Variants in STPG2 observed in about 807,000 individuals in gnomAD.
The protein encoded by STPG2 is sperm-tail PG-rich repeat-containing protein 2.
Under a neutral mutation model 54.2 loss-of-function variants are expected in STPG2, and 56 were observed. The observed-to-expected ratio is 1.03, with a 90% confidence interval of 0.83 to 1.29. STPG2 has a LOEUF of 1.29. Among genes scored for constraint, STPG2 ranks in the 50% most tolerant of loss-of-function variants. STPG2 has a pLI of 0.00. For missense variants in STPG2, 596 were observed against 544.9 expected, an observed-to-expected ratio of 1.09 and a Z score of -0.93; for synonymous variants, 200 against 181.8, an observed-to-expected ratio of 1.10 and a Z score of -0.81.
chr4:97,826,862 C>T (rs1301490888), intron 9 of STPG2, among the ~76,000 whole-genome samples: 1 of 152,210 alleles, frequency 6.6e-6, no homozygotes, highest in East Asian at 1.9e-4. Flanking sequence ...TTGTATGCCA[C>T]AGATGTAACC....
At chr4:97,528,921 T>C (rs1731349852) in intron 4 of STPG2, among the ~76,000 whole-genome samples, 1 of 152,200 alleles carries the variant, frequency 6.6e-6, no homozygotes, top group African/African-American at 2.4e-5. Context: ...AATCATGTCA[T>C]CTGCAAAGAG....
chr4:97,768,040 G>A (rs574259927), intron 9 of STPG2, among the ~76,000 whole-genome samples: 13 of 152,046 alleles, frequency 8.6e-5, no homozygotes, highest in Admixed American at 5.2e-4. Flanking sequence ...GGTGGCGGGC[G>A]TCTGTAGTCC....
At chr4:97,831,140 A>G (rs912430018) in intron 9 of STPG2, among the ~76,000 whole-genome samples, 2 of 152,202 alleles carry the variant, frequency 1.3e-5, no homozygotes, top group African/African-American at 4.8e-5. Context: ...ACTCTTCAGC[A>G]AATGCAAAAC....
intron 4 of STPG2, among the ~76,000 whole-genome samples, chr4:97,504,144 T>G (rs192411698): frequency 0.051 from 7,359 of 145,692 alleles, 213 homozygotes; most frequent in Middle Eastern, 0.062. Context: ...TTATTTAATA[T>G]TTAATAAATA....
chr4:97,462,541 A>G (rs893070352), intron 4 of STPG2, among the ~76,000 whole-genome samples: 17 of 152,058 alleles, frequency 1.1e-4, no homozygotes, highest in African/African-American at 3.9e-4. Context: ...TAATCATAAT[A>G]CCTTCTTCTA....
intron 9 of STPG2, among the ~76,000 whole-genome samples, chr4:97,794,088 A>G (rs1727092936): frequency 6.6e-6 from 1 of 152,126 alleles, no homozygotes; most frequent in Non-Finnish European, 1.5e-5. Flanking sequence ...GCTTTGTAAT[A>G]TATTTATCAT....
At chr4:97,762,297 G>A (rs1347189335) in intron 9 of STPG2, among the ~76,000 whole-genome samples, 1 of 152,066 alleles carries the variant, frequency 6.6e-6, no homozygotes, top group African/African-American at 2.4e-5. Flanking sequence ...AATAGAGCAG[G>A]ATTAACACAT....
At chr4:97,526,078 T>C (rs1731274332) in intron 4 of STPG2, among the ~76,000 whole-genome samples, 1 of 152,094 alleles carries the variant, frequency 6.6e-6, no homozygotes, top group Admixed American at 6.6e-5. Flanking sequence ...CACTATGTAG[T>C]TCAACACACT....
intron 9 of STPG2, among the ~76,000 whole-genome samples, chr4:97,735,569 A>G (rs13101263): frequency 1.3e-5 from 2 of 148,858 alleles, no homozygotes; most frequent in East Asian, 1.9e-4. Flanking sequence ...ATACATATTT[A>G]CATTTATATA....
intron 8 of STPG2, among the ~76,000 whole-genome samples, chr4:97,900,183 C>T (rs892640619): frequency 6.6e-6 from 1 of 152,058 alleles, no homozygotes; most frequent in Non-Finnish European, 1.5e-5. Context: ...TGCTGAATAT[C>T]ACTAATAATT....
chr4:97,836,917 T>C (rs1309575362), intron 9 of STPG2, among the ~76,000 whole-genome samples: 1 of 150,406 alleles, frequency 6.6e-6, no homozygotes, highest in African/African-American at 2.4e-5. Flanking sequence ...TTAACATTAA[T>C]ATTAAGCTCT....
At chr4:97,935,720 T>G (rs1002859725) in intron 8 of STPG2, among the ~76,000 whole-genome samples, 2 of 152,214 alleles carry the variant, frequency 1.3e-5, no homozygotes, top group Non-Finnish European at 2.9e-5. Flanking sequence ...AGTTCTAATT[T>G]GATTGCTCTG....
At chr4:98,026,833 C>T (rs972760352) in intron 5 of STPG2, among the ~76,000 whole-genome samples, 6 of 152,286 alleles carry the variant, frequency 3.9e-5, no homozygotes, top group African/African-American at 1.4e-4. Flanking sequence ...CCACTAAAGA[C>T]AGTACATTTG....
chr4:97,714,715 T>C (rs550842973), intron 9 of STPG2, among the ~76,000 whole-genome samples: 2 of 152,238 alleles, frequency 1.3e-5, no homozygotes, highest in Admixed American at 6.5e-5. Context: ...AGGGAAAATA[T>C]ATCATCGACC....
intron 5 of STPG2, among the ~76,000 whole-genome samples, chr4:98,087,984 C>T (rs889336363): frequency 2.6e-5 from 4 of 152,170 alleles, no homozygotes; most frequent in Non-Finnish European, 5.9e-5. Context: ...AATAATATAA[C>T]ATCATAAATG....
At chr4:97,874,439 A>C (rs1293117845) in intron 8 of STPG2, among the ~76,000 whole-genome samples, 1 of 151,740 alleles carries the variant, frequency 6.6e-6, no homozygotes, top group Non-Finnish European at 1.5e-5. Context: ...ACATGCATGA[A>C]ACAATCACAA....
At chr4:97,934,809 G>C (rs1732689382) in intron 8 of STPG2, among the ~76,000 whole-genome samples, 1 of 152,030 alleles carries the variant, frequency 6.6e-6, no homozygotes, top group Admixed American at 6.6e-5. Context: ...ATATTGGCCT[G>C]AAGTTTTTTT....
chr4:97,741,981 T>TTTG (rs1725254228), intron 9 of STPG2, among the ~76,000 whole-genome samples: 1 of 152,034 alleles, frequency 6.6e-6, no homozygotes, highest in East Asian at 1.9e-4. Flanking sequence ...CCAACAATGA[T>TTTG]AGACTGGATT....
intron 10 of STPG2, among the ~76,000 whole-genome samples, chr4:97,580,569 A>T (rs746018815): frequency 1.4e-4 from 21 of 150,742 alleles, no homozygotes; most frequent in Middle Eastern, 3.4e-3. Context: ...TCTCCCTCTC[A>T]CACACACACA....
Sources: gnomAD v4.1 joint callset for allele counts (sites outside exome capture counted in the v4.1 genomes callset) on GRCh38, gnomAD v4.1.1 for gene constraint, MANE v1.5 for transcripts, NCBI Gene and HGNC (gene_info 2026-07-23, HGNC 2026-07-21) for gene names.